The following CPXM2 variants were observed in gnomAD, a reference collection of about 807,000 sequenced individuals.
CPXM2 encodes the protein inactive carboxypeptidase-like protein X2.
In CPXM2, 66 loss-of-function variants were observed where a neutral mutation model predicts 86.1. That is an observed-to-expected ratio of 0.77 (90% CI 0.63 to 0.94). The LOEUF (loss-of-function observed/expected upper bound fraction) is 0.94, where lower values mean the gene tolerates loss of function less well. Among genes scored for constraint, CPXM2 ranks in the 40% least tolerant of loss-of-function variants. The pLI is 0.00. For synonymous variants in CPXM2, 388 were observed against 400.2 expected (o/e 0.97, Z 0.36); for missense variants, 948 against 1,026.3 (o/e 0.92, Z 1.04).
At chr10:123,854,561 C>T (rs1848679138) in intron 3 of CPXM2, among the ~76,000 whole-genome samples, 1 of 149,860 alleles carries the variant, frequency 6.7e-6, no homozygotes, top group South Asian at 2.1e-4. Flanking sequence ...GACCTGAGAC[C>T]CTAATCTCAG....
At chr10:123,824,445 A>C (rs904186404) in intron 4 of CPXM2, among the ~76,000 whole-genome samples, 10 of 152,264 alleles carry the variant, frequency 6.6e-5, no homozygotes, top group Non-Finnish European at 1.5e-4. Flanking sequence ...CTAACACAGC[A>C]TAAAAGATAT....
intron 1 of CPXM2, among the ~76,000 whole-genome samples, chr10:123,886,804 C>T (rs901340064): frequency 6.6e-6 from 1 of 152,278 alleles, no homozygotes; most frequent in African/African-American, 2.4e-5. Context: ...ATTGTTACTG[C>T]CAAGTGGGAG....
intron 6 of CPXM2, among the ~76,000 whole-genome samples, chr10:123,782,279 C>G (rs1229378697): frequency 4.6e-5 from 7 of 152,220 alleles, no homozygotes; most frequent in South Asian, 4.1e-4. Context: ...TACTCGCAGG[C>G]TATTTTCTAA....
chr10:123,923,793 G>C (rs1297745779), intron 2 of CPXM2, among the ~76,000 whole-genome samples: 1 of 152,146 alleles, frequency 6.6e-6, no homozygotes, highest in Non-Finnish European at 1.5e-5. Flanking sequence ...AGTCTCACAA[G>C]ATCTGATGGT....
chr10:123,916,043 GCTGCTCTTTCT>G (rs1945531860), intron 2 of CPXM2, among the ~76,000 whole-genome samples: 1 of 152,108 alleles, frequency 6.6e-6, no homozygotes, highest in African/African-American at 2.4e-5. Flanking sequence ...TTGGCATAAG[GCTGCTCTTTCT>G]CAGGCTTGAA....
intron 7 of CPXM2, among the ~76,000 whole-genome samples, chr10:123,778,042 T>A (rs1412108892): frequency 6.6e-6 from 1 of 152,114 alleles, no homozygotes; most frequent in African/African-American, 2.4e-5. Flanking sequence ...CTCCTTCCTC[T>A]CCTCCTCCCT....
At chr10:123,797,866 G>T (rs757519987) in intron 6 of CPXM2, 110 bp downstream of exon 6, 4 of 1,076,238 alleles carry the variant, frequency 3.7e-6, no homozygotes, top group Non-Finnish European at 4.8e-6. Flanking sequence ...GGGATTACAG[G>T]CATGAGCTAC....
upstream of CPXM2, among the ~76,000 whole-genome samples, chr10:123,894,662 C>A (rs537895325): frequency 3.9e-5 from 6 of 152,196 alleles, no homozygotes; most frequent in Non-Finnish European, 8.8e-5. Flanking sequence ...ACCTATCTGC[C>A]TGGGAGGGTC....
At chr10:123,784,634 A>G (rs1318873775) in intron 6 of CPXM2, among the ~76,000 whole-genome samples, 2 of 152,162 alleles carry the variant, frequency 1.3e-5, no homozygotes, top group African/African-American at 4.8e-5. Context: ...TCCTTTCAAT[A>G]ATCTATTCCC....
At chr10:123,910,361 A>C (rs990783773) in intron 2 of CPXM2, among the ~76,000 whole-genome samples, 1 of 152,122 alleles carries the variant, frequency 6.6e-6, no homozygotes, top group African/African-American at 2.4e-5. Context: ...GGCCAAGATC[A>C]TGACCTCCAC....
At chr10:123,843,432 A>AT (rs5788632) in intron 3 of CPXM2, among the ~76,000 whole-genome samples, 93,277 of 126,098 alleles carry the variant, frequency 0.74, 35,491 homozygotes, top group Admixed American at 0.79. Context: ...TCACAGAGCT[A>AT]TTTTTTTTTT....
intron 4 of CPXM2, among the ~76,000 whole-genome samples, chr10:123,827,563 CAAAG>C (rs1413912633): frequency 6.6e-6 from 1 of 151,922 alleles, no homozygotes; most frequent in African/African-American, 2.4e-5. Flanking sequence ...TGAAAGAAAA[CAAAG>C]AAGATTTAAA....
intron 9 of CPXM2, among the ~76,000 whole-genome samples, chr10:123,767,399 A>G (rs1288561609): frequency 6.6e-6 from 1 of 152,214 alleles, no homozygotes; most frequent in Non-Finnish European, 1.5e-5. Flanking sequence ...GCCACATGGA[A>G]GTGCTTAAAA....
intron 3 of CPXM2, among the ~76,000 whole-genome samples, chr10:123,848,434 T>A (rs575756062): frequency 6.6e-6 from 1 of 152,204 alleles, no homozygotes; most frequent in Non-Finnish European, 1.5e-5. Context: ...TCTTAACTAT[T>A]TCCTTGCATT....
chr10:123,841,691 T>G (rs578122093), intron 4 of CPXM2, among the ~76,000 whole-genome samples: 2 of 152,324 alleles, frequency 1.3e-5, no homozygotes, highest in Non-Finnish European at 2.9e-5. Context: ...CATGCCTTCC[T>G]CTTTAAGGCT....
intron 4 of CPXM2, among the ~76,000 whole-genome samples, chr10:123,809,829 T>C (rs1049161496): frequency 2.6e-5 from 4 of 151,876 alleles, no homozygotes; most frequent in Non-Finnish European, 5.9e-5. Flanking sequence ...TTATGCAAAA[T>C]CAGCATAATG....
chr10:123,856,419 C>A (rs1463584990), intron 3 of CPXM2, among the ~76,000 whole-genome samples: 1 of 152,178 alleles, frequency 6.6e-6, no homozygotes, highest in Non-Finnish European at 1.5e-5. Context: ...TCCCCGAACC[C>A]CCTTCCTTAG....
chr10:123,772,787 T>C (rs1347213859), intron 7 of CPXM2, among the ~76,000 whole-genome samples: 1 of 151,772 alleles, frequency 6.6e-6, no homozygotes. Flanking sequence ...CTGGTTGTGG[T>C]TATCACCTTC....
At chr10:123,866,970 C>T (rs61861903) in intron 2 of CPXM2, among the ~76,000 whole-genome samples, 27,235 of 152,228 alleles carry the variant, frequency 0.18, 3,245 homozygotes, top group Non-Finnish European at 0.27. Flanking sequence ...CCCTATTTTC[C>T]ATGAGCATCA....
Sources: allele counts gnomAD v4.1 joint callset (sites outside exome capture counted in the v4.1 genomes callset), GRCh38; gene constraint gnomAD v4.1.1; transcripts MANE v1.5; gene names NCBI Gene and HGNC (gene_info 2026-07-23, HGNC 2026-07-21).